Variants in SHISA9 observed in about 807,000 individuals in gnomAD.
SHISA9 encodes protein shisa-9.
Under a neutral mutation model 38.0 loss-of-function variants are expected in SHISA9, and 13 were observed. The ratio of observed to expected loss-of-function variants is 0.34; its 90% confidence interval spans 0.22 to 0.54. The LOEUF is 0.54. Among genes scored for constraint, SHISA9 ranks in the 20% least tolerant of loss-of-function variants. The pLI is 0.91. For synonymous variants in SHISA9, 275 were observed against 242.0 expected (o/e 1.14, Z -1.27); for missense variants, 538 against 575.8 (o/e 0.93, Z 0.67).
chr16:13,183,995 G>T (rs548838824), intron 2 of SHISA9, among the ~76,000 whole-genome samples: 1 of 152,006 alleles, frequency 6.6e-6, no homozygotes, highest in African/African-American at 2.4e-5. Context: ...TCCACACTCT[G>T]GGGGAGGGAC....
chr16:12,939,045 T>A (rs966019545), intron 2 of SHISA9, among the ~76,000 whole-genome samples: 2 of 147,358 alleles, frequency 1.4e-5, no homozygotes, highest in African/African-American at 5.4e-5. Flanking sequence ...TAGTTTCATC[T>A]CTTCTCTCCT....
intron 2 of SHISA9, among the ~76,000 whole-genome samples, chr16:13,189,306 T>C (rs563316725): frequency 1.3e-5 from 2 of 152,290 alleles, no homozygotes; most frequent in Non-Finnish European, 2.9e-5. Context: ...GAAGGAAGTT[T>C]CATTCCATAG....
the SHISA9 span, among the ~76,000 whole-genome samples, chr16:13,292,184 C>A: frequency 1.3e-5 from 2 of 151,916 alleles, no homozygotes; most frequent in Non-Finnish European, 2.9e-5. Flanking sequence ...ACCCAAGACC[C>A]TTGTTTCTAA....
At chr16:13,430,506 G>C in the SHISA9 span, among the ~76,000 whole-genome samples, 1 of 152,064 alleles carries the variant, frequency 6.6e-6, no homozygotes, top group East Asian at 1.9e-4. Context: ...GTTTGCCCCT[G>C]GCACCCTTAC....
chr16:13,255,847 G>A, the SHISA9 span, among the ~76,000 whole-genome samples: 3 of 152,178 alleles, frequency 2.0e-5, no homozygotes, highest in East Asian at 1.9e-4. Context: ...CTTTCCTCAA[G>A]TTTGCATCAT....
At chr16:13,381,483 A>G in the SHISA9 span, among the ~76,000 whole-genome samples, 1 of 152,304 alleles carries the variant, frequency 6.6e-6, no homozygotes, top group East Asian at 1.9e-4. Flanking sequence ...CAAAATATAC[A>G]CCTTGACTCA....
At chr16:13,250,230 C>A in the SHISA9 span, among the ~76,000 whole-genome samples, 2 of 152,158 alleles carry the variant, frequency 1.3e-5, no homozygotes, top group African/African-American at 4.8e-5. Context: ...TCAGGTGTGA[C>A]AGAAGGAGAC....
At chr16:13,344,702 C>T in the SHISA9 span, among the ~76,000 whole-genome samples, 6 of 152,076 alleles carry the variant, frequency 3.9e-5, no homozygotes, top group Admixed American at 6.6e-5. Context: ...ACAATAGATG[C>T]TATTATTGGT....
intron 2 of SHISA9, among the ~76,000 whole-genome samples, chr16:12,951,712 C>A (rs759523280): frequency 2.6e-5 from 4 of 152,132 alleles, no homozygotes; most frequent in Non-Finnish European, 5.9e-5. Context: ...AATTTCTCTC[C>A]TGGTTAGAGA....
the SHISA9 span, among the ~76,000 whole-genome samples, chr16:13,406,038 A>C: frequency 2.0e-5 from 3 of 152,224 alleles, no homozygotes; most frequent in African/African-American, 4.8e-5. Flanking sequence ...CAGAAGGAAT[A>C]ATCAACAGAA....
At chr16:13,296,018 T>G in the SHISA9 span, among the ~76,000 whole-genome samples, 1 of 152,196 alleles carries the variant, frequency 6.6e-6, no homozygotes, top group African/African-American at 2.4e-5. Flanking sequence ...GATTTTTTCA[T>G]GCCTTTCTTG....
chr16:13,372,362 C>A, the SHISA9 span, among the ~76,000 whole-genome samples: 11 of 152,080 alleles, frequency 7.2e-5, no homozygotes, highest in Non-Finnish European at 2.9e-5. Flanking sequence ...GGTCCCTGTC[C>A]CCATGGGGCT....
chr16:13,390,112 G>GT, the SHISA9 span, among the ~76,000 whole-genome samples: 1 of 100,786 alleles, frequency 9.9e-6, no homozygotes. Context: ...TACTATGTGG[G>GT]TTTTTTCTAA....
intron 3 of SHISA9, among the ~76,000 whole-genome samples, chr16:13,206,099 C>A (rs1288121867): frequency 4.6e-5 from 7 of 152,104 alleles, no homozygotes; most frequent in African/African-American, 1.7e-4. Flanking sequence ...CCTTTTCCAA[C>A]ATGGAGTCCT....
chr16:13,306,106 G>A, the SHISA9 span, among the ~76,000 whole-genome samples: 1 of 152,156 alleles, frequency 6.6e-6, no homozygotes, highest in East Asian at 1.9e-4. Flanking sequence ...AGTAGGAGTA[G>A]GAGTTCATAA....
the SHISA9 span, among the ~76,000 whole-genome samples, chr16:13,363,712 C>G: frequency 6.6e-6 from 1 of 152,200 alleles, no homozygotes; most frequent in Admixed American, 6.5e-5. Flanking sequence ...ATCATCTGTG[C>G]TGAACCTAGC....
chr16:13,379,401 A>G, the SHISA9 span, among the ~76,000 whole-genome samples: 2 of 151,884 alleles, frequency 1.3e-5, no homozygotes, highest in Non-Finnish European at 2.9e-5. Flanking sequence ...ACAGCTGACA[A>G]TTTTCCCATC....
At chr16:13,484,793 C>T in the SHISA9 span, among the ~76,000 whole-genome samples, 1 of 152,098 alleles carries the variant, frequency 6.6e-6, no homozygotes, top group Non-Finnish European at 1.5e-5. Context: ...AGTTGCTATA[C>T]ACTTTTAAAC....
chr16:13,186,157 A>G (rs953312424), intron 2 of SHISA9, among the ~76,000 whole-genome samples: 2 of 152,134 alleles, frequency 1.3e-5, no homozygotes, highest in Non-Finnish European at 2.9e-5. Flanking sequence ...CAAAATGAAT[A>G]CAATAATGCC....
Sources: allele counts gnomAD v4.1 joint callset (sites outside exome capture counted in the v4.1 genomes callset), GRCh38; gene constraint gnomAD v4.1.1; transcripts MANE v1.5; gene names NCBI Gene and HGNC (gene_info 2026-07-23, HGNC 2026-07-21).